CCDC88C: variants seen among roughly 807,000 people sequenced by gnomAD.
The protein encoded by CCDC88C is protein Daple.
In CCDC88C, 131 loss-of-function variants were observed where a neutral mutation model predicts 198.8. The observed-to-expected ratio is 0.66, with a 90% CI of 0.57 to 0.76. CCDC88C has a LOEUF of 0.76. Among genes scored for constraint, CCDC88C ranks in the 30% least tolerant of loss-of-function variants. The pLI is 0.00. For missense variants in CCDC88C, 2,553 were observed against 2,631.6 expected, an observed-to-expected ratio of 0.97 and a Z score of 0.65; for synonymous variants, 1,166 against 1,114.7, an observed-to-expected ratio of 1.05 and a Z score of -0.92.
chr14:91,359,776 T>C, intron 3 of CCDC88C, 65 bp from the exon 4 acceptor site: 2 of 1,436,402 alleles, frequency 1.4e-6, no homozygotes, highest in Non-Finnish European at 1.9e-6. Flanking sequence ...AGGGATTAAG[T>C]AAATTACAAG....
chr14:91,311,606 C>T (rs966204792), intron 15 of CCDC88C, among the ~76,000 whole-genome samples: 2 of 152,220 alleles, frequency 1.3e-5, no homozygotes, highest in African/African-American at 4.8e-5. Flanking sequence ...CCTGGCTTCT[C>T]CCATGTGGGC....
chr14:91,380,321 A>G (rs1190723272), intron 3 of CCDC88C, among the ~76,000 whole-genome samples: 1 of 152,230 alleles, frequency 6.6e-6, no homozygotes, highest in Admixed American at 6.5e-5. Flanking sequence ...CGGCAGCAGC[A>G]AAGTCCCAAG....
intron 3 of CCDC88C, among the ~76,000 whole-genome samples, chr14:91,364,916 C>T (rs1178993062): frequency 6.6e-6 from 1 of 152,164 alleles, no homozygotes; most frequent in Non-Finnish European, 1.5e-5. Context: ...CGGGACCATC[C>T]CCAAAACACA....
intron 10 of CCDC88C, among the ~76,000 whole-genome samples, chr14:91,330,974 G>C (rs1892799873): frequency 6.6e-6 from 1 of 152,086 alleles, no homozygotes; most frequent in African/African-American, 2.4e-5. Flanking sequence ...TGCGATGGGA[G>C]AGTGAGTCCA....
In CCDC88C at chr14:91,279,242, T is replaced by G. The variant is rs1275975135; in HGVS notation, c.4764A>C (p.Leu1588=). ...ACACAGAAGCACAAGACTTACCTTT[T>G]AGGTTAAGAGGTGAGCTGTTGCTGG... ...NTSSNSSPLN[L]KGSSEQLHGR... Residue 1588 remains leucine, a synonymous_variant, in exon 28 of 30, where the codon CTA becomes CTC. Transcript: ENST00000389857. 6.3e-7 allele frequency: 1 copy of G among 1,593,760 alleles called. No homozygotes were observed. The highest frequency in any genetic ancestry group is 8.6e-7 in the Non-Finnish European group (1 of 1,168,670).
chr14:91,370,284 A>G (rs1894733129), intron 3 of CCDC88C, among the ~76,000 whole-genome samples: 1 of 152,174 alleles, frequency 6.6e-6, no homozygotes, highest in South Asian at 2.1e-4. Flanking sequence ...GGAAAAAGAG[A>G]CGCTGCTGGC....
chr14:91,393,444 A>G (rs1885650778), intron 3 of CCDC88C, among the ~76,000 whole-genome samples: 1 of 152,224 alleles, frequency 6.6e-6, no homozygotes, highest in Admixed American at 6.5e-5. Context: ...GAAGGGGTAC[A>G]GACAGAAGCG....
At chr14:91,317,014 A>G (rs929011451) in intron 13 of CCDC88C, among the ~76,000 whole-genome samples, 6 of 152,164 alleles carry the variant, frequency 3.9e-5, no homozygotes, top group Non-Finnish European at 8.8e-5. Context: ...CCTGCCCCTC[A>G]GCCCCCAGGC....
At position 91,381,730 on chromosome 14, in the gene CCDC88C, AGGCTGAG is replaced by A. The variant is rs1202032188; in HGVS notation, c.271-22026_271-22020del. 1.3e-5 allele frequency among the ~76,000 whole-genome samples: 2 copies of A among 152,186 alleles called. No individual in the cohort carries two copies. Among genetic ancestry groups the A allele is most frequent in the African/African-American group, 4.8e-5 (2 of 41,426 alleles). On this transcript the variant is annotated intron_variant, in intron 3 of 29. Transcript: ENST00000389857. This position sits in a 1 kb window ranked among gnomAD's most constrained non-coding sequence, Gnocchi z 4.2. ...GTGCATGTAATTCCAGGTACTTGGG[AGGCTGAG>A]GCAGGAGAATCGCTTGAACCCAGGA...
intron 3 of CCDC88C, among the ~76,000 whole-genome samples, chr14:91,393,655 C>G (rs138518521): frequency 3.4e-4 from 52 of 152,320 alleles, no homozygotes; most frequent in African/African-American, 1.2e-3. Flanking sequence ...TATTCAACTT[C>G]CCAGCCTGTC....
intron 4 of CCDC88C, among the ~76,000 whole-genome samples, chr14:91,349,762 T>C (rs886827480): frequency 4.6e-5 from 7 of 152,202 alleles, no homozygotes; most frequent in South Asian, 2.1e-4. Context: ...ATAAGCTATA[T>C]AGAAAGCTGC....
intron 29 of CCDC88C, among the ~76,000 whole-genome samples, chr14:91,274,114 G>T (rs1041411378): frequency 6.6e-6 from 1 of 150,970 alleles, no homozygotes; most frequent in African/African-American, 2.4e-5. Flanking sequence ...AGAGCAAGAG[G>T]AACAAGAGCA....
chr14:91,406,102 C>T (rs1175154943), intron 3 of CCDC88C, among the ~76,000 whole-genome samples: 1 of 152,176 alleles, frequency 6.6e-6, no homozygotes, highest in African/African-American at 2.4e-5. Flanking sequence ...TGGCCACTTC[C>T]CATCTTCTGG....
chr14:91,293,372 T>TCCCGTCCTCA (rs1890786396), intron 23 of CCDC88C, among the ~76,000 whole-genome samples: 13 of 53,656 alleles, frequency 2.4e-4, no homozygotes, highest in African/African-American at 3.1e-4. Flanking sequence ...CGGCCCACCT[T>TCCCGTCCTCA]CCTGCCCCCT....
At chr14:91,391,086 A>G (rs779346461) in intron 3 of CCDC88C, among the ~76,000 whole-genome samples, 3 of 152,206 alleles carry the variant, frequency 2.0e-5, no homozygotes, top group Non-Finnish European at 4.4e-5. Flanking sequence ...CAAGCGCTTA[A>G]CACAATGGCA....
At position 91,406,367 on chromosome 14, in the gene CCDC88C, A is replaced by G. The variant is rs183110808; in HGVS notation, c.270+2292T>C. On this transcript the variant is annotated intron_variant, in intron 3 of 29. Transcript: ENST00000389857. Reference sequence around the variant, plus strand: ...AACCTCACCTCCATTTGAGACCTTCATCAATCCAAGCTCACCCAAGAGCTC... The same window carrying G: ...AACCTCACCTCCATTTGAGACCTTCGTCAATCCAAGCTCACCCAAGAGCTC... Among the ~76,000 whole-genome samples the G allele has an allele frequency of 3.9e-4, 59 of 151,108 alleles. No individual in the cohort carries two copies. In the East Asian group the frequency reaches 0.01, roughly 26 times the overall value.
chr14:91,307,008 G>T (rs377510022), intron 18 of CCDC88C, 30 bp downstream of exon 18: 6 of 1,581,782 alleles, frequency 3.8e-6, no homozygotes, highest in Non-Finnish European at 4.3e-6. Context: ...CTCTGTCCCC[G>T]ATGGACCATG....
chr14:91,372,045 C>T (rs1377278971), intron 3 of CCDC88C, among the ~76,000 whole-genome samples: 2 of 152,156 alleles, frequency 1.3e-5, no homozygotes, highest in African/African-American at 4.8e-5. Flanking sequence ...ACAAGGGGTA[C>T]CAGCACTCCC....
intron 3 of CCDC88C, chr14:91,379,542 TCTCA>T (rs1175142130): frequency 2.9e-5 from 14 of 490,826 alleles, no homozygotes; most frequent in Non-Finnish European, 4.4e-5. Flanking sequence ...CTCCGGTGTT[TCTCA>T]CTCCATGTTT....
Sources: gnomAD v4.1 joint callset for allele counts (sites outside exome capture counted in the v4.1 genomes callset) on GRCh38, gnomAD v4.1.1 for gene constraint, Gnocchi (gnomAD v3.1) non-coding constraint, MANE v1.5 for transcripts, NCBI Gene and HGNC (gene_info 2026-07-23, HGNC 2026-07-21) for gene names.